RLN2: variants seen among roughly 807,000 people sequenced by gnomAD.
RLN2 encodes prorelaxin H2.
In RLN2, 10 loss-of-function variants were observed where a neutral mutation model predicts 7.3. The ratio of observed to expected loss-of-function variants is 1.36; its 90% CI spans 0.84 to 2.31. The LOEUF (loss-of-function observed/expected upper bound fraction) is 2.31. Among genes scored for constraint, RLN2 ranks in the 30% most tolerant of loss-of-function variants. The pLI is 0.00. For synonymous variants in RLN2, 103 were observed against 82.3 expected, an observed-to-expected ratio of 1.25 and a Z score of -1.36; for missense variants, 298 against 217.6, an observed-to-expected ratio of 1.37 and a Z score of -2.32.
chr9:5,307,269 GAGGATA>G (rs1563737978), upstream of RLN2, among the ~76,000 whole-genome samples: 14 of 40,914 alleles, frequency 3.4e-4, no homozygotes, highest in South Asian at 3.1e-3. Flanking sequence ...TAGATAGATA[GAGGATA>G]GATAGATAGA....
the RLN2 span, among the ~76,000 whole-genome samples, chr9:5,321,415 C>A: frequency 1.4e-5 from 2 of 147,890 alleles, no homozygotes; most frequent in Non-Finnish European, 2.9e-5. Flanking sequence ...CTCCATCCAG[C>A]CTTAATGTTC....
At chr9:5,317,994 A>ATGTGTGTGTG in the RLN2 span, among the ~76,000 whole-genome samples, 1 of 64,742 alleles carries the variant, frequency 1.5e-5, no homozygotes, top group African/African-American at 8.1e-5. Flanking sequence ...TAACAAAACT[A>ATGTGTGTGTG]TGTGTGTGTG....
At chr9:5,311,647 C>A in the RLN2 span, 2 of 1,326,240 alleles carry the variant, frequency 1.5e-6, no homozygotes, top group Non-Finnish European at 2.1e-6. Flanking sequence ...AGGGGAATAA[C>A]CCTGCAGAAA....
the RLN2 span, among the ~76,000 whole-genome samples, chr9:5,328,651 C>T: frequency 3.9e-5 from 6 of 151,986 alleles, no homozygotes; most frequent in Non-Finnish European, 7.4e-5. Context: ...ATGTTAAGGG[C>T]AGCCAGAGAG....
At chr9:5,331,272 C>A in the RLN2 span, among the ~76,000 whole-genome samples, 4 of 151,988 alleles carry the variant, frequency 2.6e-5, no homozygotes, top group East Asian at 7.7e-4. Context: ...TCCTGAAAGC[C>A]TGGTAGAGAC....
chr9:5,316,538 G>C, the RLN2 span, among the ~76,000 whole-genome samples: 4 of 152,074 alleles, frequency 2.6e-5, 1 homozygote, highest in African/African-American at 9.6e-5. Flanking sequence ...GTGAGAACAT[G>C]CAGTGTTTGG....
chr9:5,319,739 G>A, the RLN2 span, among the ~76,000 whole-genome samples: 7 of 152,106 alleles, frequency 4.6e-5, no homozygotes, highest in East Asian at 1.4e-3. Context: ...CAATTCAGAA[G>A]CCACTGAAAT....
the RLN2 span, among the ~76,000 whole-genome samples, chr9:5,328,353 G>C: frequency 6.6e-6 from 1 of 151,878 alleles, no homozygotes; most frequent in Non-Finnish European, 1.5e-5. Flanking sequence ...GAGAAGACAA[G>C]ATTAGAGAAA....
the RLN2 span, among the ~76,000 whole-genome samples, chr9:5,312,998 A>G: frequency 2.0e-5 from 3 of 152,052 alleles, no homozygotes. Context: ...GTGACCTAAC[A>G]CATGATCTAG....
At chr9:5,300,738 C>A (rs1198235728) in intron 1 of RLN2, among the ~76,000 whole-genome samples, 1 of 152,204 alleles carries the variant, frequency 6.6e-6, no homozygotes, top group Non-Finnish European at 1.5e-5. Context: ...TGACATTAAT[C>A]TGTCATCTTT....
In RLN2 at chr9:5,300,947, G is replaced by C. The variant is rs547744364; in HGVS notation, c.212-503C>G. ...GTTACTCCTGGAGGATAAAGTTAAA[G>C]AGGCAGAATTTCCAACACCTCTGAT... On this transcript the variant is annotated intron_variant, in intron 1 of 1. Coordinates refer to ENST00000381627, the MANE Select transcript of RLN2 (RefSeq NM_134441.3). Among the ~76,000 whole-genome samples the C allele has an allele frequency of 4.6e-5, 7 of 152,298 alleles. No individual in the cohort carries two copies. The South Asian group carries it at 1.5e-3, about 32-fold the overall frequency.
chr9:5,321,862 T>C, the RLN2 span, among the ~76,000 whole-genome samples: 1 of 152,060 alleles, frequency 6.6e-6, no homozygotes, highest in African/African-American at 2.4e-5. Flanking sequence ...TGGTGTCAGC[T>C]GTGCTCAGTA....
the RLN2 span, among the ~76,000 whole-genome samples, chr9:5,334,067 T>C: frequency 6.6e-6 from 1 of 152,022 alleles, no homozygotes; most frequent in Non-Finnish European, 1.5e-5. Flanking sequence ...AATAGCATAC[T>C]GAATGGGCAA....
chr9:5,327,383 TAAAC>T, the RLN2 span, among the ~76,000 whole-genome samples: 2 of 151,918 alleles, frequency 1.3e-5, no homozygotes, highest in Non-Finnish European at 2.9e-5. Flanking sequence ...GCTCACAGTG[TAAAC>T]AAAGAGGCTA....
At chr9:5,302,242 A>G (rs565493357) in intron 1 of RLN2, among the ~76,000 whole-genome samples, 7 of 152,322 alleles carry the variant, frequency 4.6e-5, no homozygotes, top group East Asian at 1.9e-4. Flanking sequence ...CCTAGGCTCA[A>G]AGAAAATATT....
chr9:5,326,852 A>G, the RLN2 span, among the ~76,000 whole-genome samples: 2 of 152,072 alleles, frequency 1.3e-5, no homozygotes, highest in Non-Finnish European at 1.5e-5. Context: ...ATAGAAGGCA[A>G]ATGTCTTGAC....
chr9:5,312,316 C>T, the RLN2 span, among the ~76,000 whole-genome samples: 2 of 151,990 alleles, frequency 1.3e-5, no homozygotes, highest in Non-Finnish European at 2.9e-5. Context: ...GGGACCTGAC[C>T]CCCAATCATT....
At chr9:5,332,993 C>A in the RLN2 span, among the ~76,000 whole-genome samples, 1 of 151,928 alleles carries the variant, frequency 6.6e-6, no homozygotes, top group Non-Finnish European at 1.5e-5. Flanking sequence ...TGATAATATT[C>A]TTCTACTAAA....
intron 1 of RLN2, among the ~76,000 whole-genome samples, chr9:5,301,188 A>C (rs1816119689): frequency 1.3e-5 from 2 of 152,164 alleles, no homozygotes; most frequent in South Asian, 2.1e-4. Flanking sequence ...ATTTGTTCCA[A>C]AGCTGCAGAT....
Sources: gnomAD v4.1 joint callset for allele counts (sites outside exome capture counted in the v4.1 genomes callset) on GRCh38, gnomAD v4.1.1 for gene constraint, MANE v1.5 for transcripts, NCBI Gene and HGNC (gene_info 2026-07-23, HGNC 2026-07-21) for gene names.